The following DOCK3 variants were observed in gnomAD, a reference collection of about 807,000 sequenced individuals.
DOCK3 encodes the protein dedicator of cytokinesis protein 3.
DOCK3 carries 60 observed loss-of-function variants against 265.6 expected under a neutral mutation model. The observed-to-expected ratio is 0.23, with a 90% CI of 0.18 to 0.28. The LOEUF (loss-of-function observed/expected upper bound fraction) is 0.28, where lower values mean the gene tolerates loss of function less well. Ranked by LOEUF, DOCK3 falls within the 10% of genes least tolerant of loss-of-function variation. DOCK3 has a pLI of 1.00. For synonymous variants in DOCK3, 881 were observed against 938.0 expected, an observed-to-expected ratio of 0.94 and a Z score of 1.11; for missense variants, 1,981 against 2,594.3, an observed-to-expected ratio of 0.76 and a Z score of 5.14.
chr3:50,972,603 C>T (rs2077270061), intron 5 of DOCK3, among the ~76,000 whole-genome samples: 1 of 152,214 alleles, frequency 6.6e-6, no homozygotes, highest in Non-Finnish European at 1.5e-5. Flanking sequence ...AGGACTGGGA[C>T]ACTGGGAACC....
chr3:51,157,484 G>A (rs758051300), intron 10 of DOCK3, among the ~76,000 whole-genome samples: 13 of 152,248 alleles, frequency 8.5e-5, no homozygotes, highest in Non-Finnish European at 1.0e-4. Flanking sequence ...GACCTCAAGC[G>A]ATCCTCCCAC....
intron 44 of DOCK3, among the ~76,000 whole-genome samples, chr3:51,357,382 T>G (rs1013843323): frequency 2.0e-5 from 3 of 152,240 alleles, no homozygotes; most frequent in Non-Finnish European, 4.4e-5. Context: ...TAATCCTGAT[T>G]ATGGGAGGAT....
chr3:51,345,490 GC>G (rs2085503515), intron 38 of DOCK3, among the ~76,000 whole-genome samples: 1 of 152,100 alleles, frequency 6.6e-6, no homozygotes, highest in African/African-American at 2.4e-5. Context: ...CACACACCTA[GC>G]CCCACCTGTA....
rs1357701040 is a variant in DOCK3 at position 51,328,945 on chromosome 3, G to A, written c.3403-1193G>A. Reference sequence around the variant, plus strand: ...AGGCAGGTGGATCATCTGAGGTCAGGAATTCAATACCAGCCTGGGCAACAT... The same window carrying A: ...AGGCAGGTGGATCATCTGAGGTCAGAAATTCAATACCAGCCTGGGCAACAT... On this transcript the variant is annotated intron_variant, in intron 32 of 52. Transcript: ENST00000266037. Among the ~76,000 whole-genome samples the A allele has an allele frequency of 5.9e-5, 9 of 152,068 alleles. No individual in the cohort carries two copies. The East Asian group carries it at 1.7e-3, about 29-fold the overall frequency.
intron 2 of DOCK3, among the ~76,000 whole-genome samples, chr3:50,821,490 C>T (rs1267991177): frequency 1.3e-5 from 2 of 152,064 alleles, no homozygotes; most frequent in African/African-American, 2.4e-5. Context: ...TTAGTAGAGA[C>T]GGGGTTTCAC....
At chr3:51,178,603 C>T (rs932198874) in intron 12 of DOCK3, among the ~76,000 whole-genome samples, 7 of 152,192 alleles carry the variant, frequency 4.6e-5, no homozygotes, top group Non-Finnish European at 8.8e-5. Context: ...GTCTCTGCCT[C>T]CAGCTCTTTA....
chr3:50,852,141 A>G (rs905552353), intron 3 of DOCK3, among the ~76,000 whole-genome samples: 1 of 152,158 alleles, frequency 6.6e-6, no homozygotes, highest in Non-Finnish European at 1.5e-5. Context: ...TCAGCTGGAC[A>G]CTGTCACAGG....
intron 12 of DOCK3, among the ~76,000 whole-genome samples, chr3:51,194,467 T>G (rs1450920050): frequency 6.6e-6 from 1 of 152,232 alleles, no homozygotes; most frequent in Non-Finnish European, 1.5e-5. Context: ...TTGATTTTTT[T>G]GTCTAGATTA....
At chr3:51,211,233 G>A (rs1226475594) in intron 13 of DOCK3, among the ~76,000 whole-genome samples, 1 of 152,154 alleles carries the variant, frequency 6.6e-6, no homozygotes, top group African/African-American at 2.4e-5. Context: ...GATTTGTCCA[G>A]TTACTTTTTT....
chr3:50,777,150 TA>T (rs936057009), intron 1 of DOCK3, among the ~76,000 whole-genome samples: 3 of 152,160 alleles, frequency 2.0e-5, no homozygotes, highest in African/African-American at 4.8e-5. Context: ...ATTATGGAAG[TA>T]CAATTCAAGA....
chr3:51,169,581 C>T (rs1356346133), intron 12 of DOCK3, among the ~76,000 whole-genome samples: 1 of 151,788 alleles, frequency 6.6e-6, no homozygotes, highest in Admixed American at 6.6e-5. Context: ...CACCGGGGCC[C>T]ACCTGAGGAT....
chr3:50,991,534 C>T (rs1403449442), intron 5 of DOCK3, among the ~76,000 whole-genome samples: 1 of 152,180 alleles, frequency 6.6e-6, no homozygotes, highest in Non-Finnish European at 1.5e-5. Flanking sequence ...GACAAGAAGA[C>T]TTAATTATCT....
intron 1 of DOCK3, among the ~76,000 whole-genome samples, chr3:50,685,022 GTT>G (rs71080601): frequency 2.0e-5 from 3 of 147,934 alleles, no homozygotes; most frequent in East Asian, 2.0e-4. Flanking sequence ...TATCTTTTTA[GTT>G]TTTTTTTTAT....
intron 2 of DOCK3, among the ~76,000 whole-genome samples, chr3:50,837,640 T>C (rs1359312036): frequency 6.6e-6 from 1 of 152,036 alleles, no homozygotes; most frequent in Non-Finnish European, 1.5e-5. Context: ...GCCATATTAG[T>C]GGGGAAGTGG....
At chr3:51,207,823 G>T (rs2089298943) in intron 12 of DOCK3, among the ~76,000 whole-genome samples, 1 of 152,018 alleles carries the variant, frequency 6.6e-6, no homozygotes, top group Non-Finnish European at 1.5e-5. Context: ...CTATTTTCTG[G>T]GATAGGTATA....
chr3:51,067,427 T>TTGTGTGTGTGTGTGTGTGTGTG (rs60551624), intron 6 of DOCK3, among the ~76,000 whole-genome samples: 52 of 144,198 alleles, frequency 3.6e-4, no homozygotes, highest in African/African-American at 1.1e-3. Context: ...TGAAATATGT[T>TTGTGTGTGTGTGTGTGTGTGTG]TGTGTGTGTG....
intron 1 of DOCK3, among the ~76,000 whole-genome samples, chr3:50,709,448 A>T (rs922103013): frequency 3.3e-5 from 5 of 152,174 alleles, no homozygotes; most frequent in Admixed American, 2.0e-4. Context: ...GACAGTGGTG[A>T]ACATTTTTGT....
At chr3:51,300,074 CCT>C (rs1254644732) in intron 27 of DOCK3, among the ~76,000 whole-genome samples, 1 of 152,072 alleles carries the variant, frequency 6.6e-6, no homozygotes, top group Non-Finnish European at 1.5e-5. Context: ...TTGTTTGTGT[CCT>C]CTCTGATTTC....
chr3:51,059,494 C>T (rs1002208186), intron 5 of DOCK3, among the ~76,000 whole-genome samples: 2 of 145,912 alleles, frequency 1.4e-5, no homozygotes, highest in Non-Finnish European at 3.0e-5. Context: ...CACACACACA[C>T]CCCACATCCC....
Sources: gnomAD v4.1 joint callset for allele counts (sites outside exome capture counted in the v4.1 genomes callset) on GRCh38, gnomAD v4.1.1 for gene constraint, MANE v1.5 for transcripts, NCBI Gene and HGNC (gene_info 2026-07-23, HGNC 2026-07-21) for gene names.